CSMD1: variants seen among roughly 807,000 people sequenced by gnomAD.
CSMD1 encodes the protein CUB and Sushi multiple domains 1, also known as CUB and sushi domain-containing protein 1.
A neutral mutation model predicts 417.5 loss-of-function variants in CSMD1; 213 were observed. The observed-to-expected ratio is 0.51, with a 90% CI of 0.46 to 0.57. CSMD1 has a LOEUF of 0.57. Ranked by LOEUF, CSMD1 falls within the 20% of genes least tolerant of loss-of-function variation. The pLI is 0.00. For synonymous variants in CSMD1, 2,862 were observed against 1,736.8 expected (o/e 1.65, Z -16.11); for missense variants, 6,923 against 4,529.7 (o/e 1.53, Z -15.17).
At chr8:3,073,000 A>T (rs1813417558) in intron 49 of CSMD1, among the ~76,000 whole-genome samples, 1 of 152,186 alleles carries the variant, frequency 6.6e-6, no homozygotes, top group South Asian at 2.1e-4. Flanking sequence ...AAATAAAATC[A>T]TAAAATTAAT....
At chr8:4,052,021 T>A (rs912640548) in intron 3 of CSMD1, among the ~76,000 whole-genome samples, 1 of 151,836 alleles carries the variant, frequency 6.6e-6, no homozygotes, top group Non-Finnish European at 1.5e-5. Flanking sequence ...TGTCTCCCTG[T>A]CATATACAGG....
At chr8:4,811,033 G>T (rs1798868846) in intron 1 of CSMD1, among the ~76,000 whole-genome samples, 1 of 152,178 alleles carries the variant, frequency 6.6e-6, no homozygotes, top group Non-Finnish European at 1.5e-5. Flanking sequence ...AGTGAAATGG[G>T]CATCACACTT....
At chr8:3,021,695 AATCCCACAGCATCTGGAATGCAC>A (rs1809412977) in intron 51 of CSMD1, among the ~76,000 whole-genome samples, 1 of 116,600 alleles carries the variant, frequency 8.6e-6, no homozygotes, top group Non-Finnish European at 1.9e-5. Flanking sequence ...ATGCACCTGC[AATCCCACAGCATCTGGAATGCAC>A]CTGCAATCCC....
chr8:4,527,653 T>C (rs998850809), intron 2 of CSMD1, among the ~76,000 whole-genome samples: 1 of 152,200 alleles, frequency 6.6e-6, no homozygotes, highest in African/African-American at 2.4e-5. Context: ...AAAATTTGAA[T>C]ACTGAAAGTA....
Position 3,911,069 on chromosome 8 carries a change from T to C in CSMD1, c.818+86834A>G, listed in dbSNP as rs190432787. 3.3e-5 allele frequency among the ~76,000 whole-genome samples: 5 copies of C among 152,274 alleles called. No homozygotes were observed. The East Asian group carries it at 7.7e-4, about 24-fold the overall frequency. On this transcript the variant is annotated intron_variant, in intron 5 of 69. Transcript: ENST00000635120. ...ACTCCAGAACTCTAGAAATTGGAGA[T>C]GACCAGAAAATTCTGTCAAATCACC...
At chr8:3,865,006 G>A (rs28721518) in intron 5 of CSMD1, among the ~76,000 whole-genome samples, 1 of 152,260 alleles carries the variant, frequency 6.6e-6, no homozygotes, top group African/African-American at 2.4e-5. Context: ...TCTGGTTGAG[G>A]TGCTAGCTAA....
chr8:3,086,319 T>C (rs2129005723), intron 49 of CSMD1, among the ~76,000 whole-genome samples: 1 of 152,252 alleles, frequency 6.6e-6, no homozygotes, highest in East Asian at 1.9e-4. Context: ...AGGTAAAACA[T>C]AAATAATACA....
chr8:4,811,269 T>C (rs1199317202), intron 1 of CSMD1, among the ~76,000 whole-genome samples: 1 of 152,198 alleles, frequency 6.6e-6, no homozygotes, highest in Non-Finnish European at 1.5e-5. Context: ...CAATTTAACC[T>C]GCTTAAATTA....
intron 3 of CSMD1, among the ~76,000 whole-genome samples, chr8:4,210,976 C>T (rs1260731185): frequency 6.6e-6 from 1 of 152,126 alleles, no homozygotes; most frequent in Admixed American, 6.6e-5. Flanking sequence ...AAAATCTCTT[C>T]AGGCAATTAC....
intron 7 of CSMD1, among the ~76,000 whole-genome samples, chr8:3,624,161 C>G (rs1174887808): frequency 6.6e-6 from 1 of 152,056 alleles, no homozygotes; most frequent in African/African-American, 2.4e-5. Context: ...CACTGAGCAT[C>G]CAAAAGAAAA....
chr8:4,225,837 G>A (rs943946610), intron 3 of CSMD1, among the ~76,000 whole-genome samples: 7 of 152,052 alleles, frequency 4.6e-5, no homozygotes, highest in Non-Finnish European at 1.0e-4. Flanking sequence ...GGCACAATAT[G>A]ATCAGCCTAA....
chr8:4,301,270 A>G lies in CSMD1; in HGVS notation c.415+118683T>C, dbSNP rs546958700. On this transcript the variant is annotated intron_variant, in intron 3 of 69. Coordinates refer to ENST00000635120, the MANE Select transcript of CSMD1 (RefSeq NM_033225.6). ...ACATCATCATTCTTTGGCCCTCCAC[A>G]AAGTCAACAAGCAAAATGCCTTGAG... is the stretch of plus-strand genomic sequence containing the variant. Among the ~76,000 whole-genome samples, 28 of 152,292 alleles carry G rather than the reference A, an allele frequency of 1.8e-4. 1 individual carries two copies. The South Asian group carries it at 5.6e-3, about 30-fold the overall frequency.
At chr8:3,926,659 T>C (rs1490142964) in intron 5 of CSMD1, among the ~76,000 whole-genome samples, 2 of 151,224 alleles carry the variant, frequency 1.3e-5, no homozygotes, top group Non-Finnish European at 3.0e-5. Flanking sequence ...AATTGACCTA[T>C]ACTTTTATGT....
chr8:3,199,708 G>T lies in CSMD1; in HGVS notation c.5194+6C>A. The T allele has an allele frequency of 1.3e-6, 2 of 1,570,470 alleles. No individual in the cohort carries two copies. Among genetic ancestry groups the T allele is most frequent in the Non-Finnish European group, 1.7e-6 (2 of 1,154,868 alleles). On this transcript the variant is annotated splice_donor_region_variant and intron_variant, in intron 33 of 69. Transcript: ENST00000635120. ...GACATGTGGAGACATGTGGAGTGAC[G>T]CTTACCTTGATACACGAAGTGGAAG...
At chr8:3,383,049 A>G (rs968096425) in intron 18 of CSMD1, among the ~76,000 whole-genome samples, 12 of 152,212 alleles carry the variant, frequency 7.9e-5, no homozygotes, top group African/African-American at 2.4e-4. Flanking sequence ...CAGCGCATGT[A>G]GATAGCCAGA....
chr8:4,693,905 G>A (rs1806946415), intron 1 of CSMD1, among the ~76,000 whole-genome samples: 1 of 80,406 alleles, frequency 1.2e-5, no homozygotes, highest in Non-Finnish European at 2.5e-5. Flanking sequence ...ATCACAGTTT[G>A]CAGTTATTTT....
intron 2 of CSMD1, among the ~76,000 whole-genome samples, chr8:4,552,288 C>A (rs1233068686): frequency 6.6e-6 from 1 of 152,002 alleles, no homozygotes; most frequent in Non-Finnish European, 1.5e-5. Context: ...CTGGGAAAAT[C>A]CTTCCCTGAA....
At chr8:4,096,768 T>C (rs1343721215) in intron 3 of CSMD1, among the ~76,000 whole-genome samples, 1 of 151,030 alleles carries the variant, frequency 6.6e-6, no homozygotes, top group Non-Finnish European at 1.5e-5. Context: ...CCCTGCAATT[T>C]AGAAGACACT....
At chr8:4,334,237 T>G (rs1407173644) in intron 3 of CSMD1, among the ~76,000 whole-genome samples, 1 of 152,042 alleles carries the variant, frequency 6.6e-6, no homozygotes, top group Non-Finnish European at 1.5e-5. Flanking sequence ...ATCCAATAAC[T>G]TAATGTGTAT....
Sources: allele counts gnomAD v4.1 joint callset (sites outside exome capture counted in the v4.1 genomes callset), GRCh38; gene constraint gnomAD v4.1.1; transcripts MANE v1.5; gene names NCBI Gene and HGNC (gene_info 2026-07-23, HGNC 2026-07-21).